BDH1: variants seen among roughly 807,000 people sequenced by gnomAD.
The protein encoded by BDH1 is D-beta-hydroxybutyrate dehydrogenase, mitochondrial.
BDH1 carries 30 observed loss-of-function variants against 33.1 expected under a neutral mutation model. That is an observed-to-expected ratio of 0.91 (90% CI 0.68 to 1.23). The LOEUF (loss-of-function observed/expected upper bound fraction) is 1.23, where lower values mean the gene tolerates loss of function less well. Ranked by LOEUF, BDH1 falls within the 50% of genes most tolerant of loss-of-function variation. BDH1 has a pLI of 0.00. For missense variants in BDH1, 443 were observed against 464.4 expected, an observed-to-expected ratio of 0.95 and a Z score of 0.42; for synonymous variants, 190 against 183.6, an observed-to-expected ratio of 1.03 and a Z score of -0.28.
At chr3:197,542,306 C>T (rs1243506547) in intron 3 of BDH1, among the ~76,000 whole-genome samples, 1 of 152,204 alleles carries the variant, frequency 6.6e-6, no homozygotes, top group Non-Finnish European at 1.5e-5. Context: ...ACACTGGTCT[C>T]CCAGGGCTAA....
intron 3 of BDH1, among the ~76,000 whole-genome samples, chr3:197,539,717 G>A (rs116049906): frequency 0.015 from 2,223 of 152,124 alleles, 38 homozygotes; most frequent in South Asian, 0.054. Flanking sequence ...TTGTGGCCCC[G>A]ACCCAGGAAC....
chr3:197,530,453 A>C (rs1245980153), intron 5 of BDH1: 1 of 152,014 alleles, frequency 6.6e-6, no homozygotes, highest in Admixed American at 6.6e-5. Flanking sequence ...GTAGGCACCT[A>C]TAATCCCGGC....
At position 197,511,911 on chromosome 3, in the gene BDH1, A is replaced by G. The variant is rs1712061427; in HGVS notation, c.1016T>C (p.Met339Thr). ...CGAGACTCTTCAGCGGATGTAGATCATGTCGGAGATGGCTCCAGGCAAGTG... is the reference window on the plus strand; with the variant it reads ...CGAGACTCTTCAGCGGATGTAGATCGTGTCGGAGATGGCTCCAGGCAAGTG... ...MTHLPGAISD[M>T]IYIR Residue 339 changes from methionine to threonine, a missense_variant, in exon 8 of 8, where the codon ATG (methionine) becomes ACG (threonine). Met to Thr is a moderately conservative substitution (Grantham distance 81, BLOSUM62 -1). Transcript: ENST00000392379. 1 of 1,563,006 alleles carries G rather than the reference A, an allele frequency of 6.4e-7. No homozygotes were observed. The highest frequency in any genetic ancestry group is 2.2e-5 in the East Asian group (1 of 44,446).
At chr3:197,538,399 T>C in intron 3 of BDH1, 2 of 454,294 alleles carry the variant, frequency 4.4e-6, no homozygotes, top group Admixed American at 4.7e-5. Flanking sequence ...TTGCCCAGGC[T>C]GGAGTGCAGT....
chr3:197,548,251 C>T (rs1448825596), intron 2 of BDH1, among the ~76,000 whole-genome samples: 1 of 151,788 alleles, frequency 6.6e-6, no homozygotes, highest in Admixed American at 6.6e-5. Context: ...AGGCACAGGC[C>T]CACGTTGGCT....
At position 197,525,326 on chromosome 3, in the gene BDH1, C is replaced by T. The variant is rs1407501877; in HGVS notation, c.268-2545G>A. On this transcript the variant is annotated intron_variant, in intron 5 of 7. Coordinates refer to ENST00000392379, the MANE Select transcript of BDH1 (RefSeq NM_203314.3). The surrounding 1 kb of genome is among the most constrained non-coding windows in gnomAD (Gnocchi z 4.9). ...AAAGGTGGATTCTAGCTGACATGCA[C>T]AAGAGGTATCTAAATGTCCTTCCTC... 6.6e-6 allele frequency among the ~76,000 whole-genome samples: 1 copy of T among 152,194 alleles called. No homozygotes were observed. The highest frequency in any genetic ancestry group is 1.5e-5 in the Non-Finnish European group (1 of 68,026).
rs546388385 is a variant in BDH1 at position 197,546,985 on chromosome 3, G to A, written c.-43-499C>T. 4.6e-5 allele frequency among the ~76,000 whole-genome samples: 7 copies of A among 152,260 alleles called. No homozygotes were observed. The East Asian group carries it at 1.4e-3, about 29-fold the overall frequency. On this transcript the variant is annotated intron_variant, in intron 2 of 7. Coordinates refer to ENST00000392379, the MANE Select transcript of BDH1 (RefSeq NM_203314.3). ...ATGCCACATAGCATCTGACTCAGCC[G>A]TCCACCTCTTTCCCCCATGCGAACA...
intron 1 of BDH1, among the ~76,000 whole-genome samples, chr3:197,562,777 G>A (rs1372626365): frequency 1.3e-5 from 2 of 152,028 alleles, no homozygotes; most frequent in Non-Finnish European, 2.9e-5. Context: ...AAAGAAGCAG[G>A]AAACAATCTG....
intron 1 of BDH1, among the ~76,000 whole-genome samples, chr3:197,567,147 T>C (rs1414592348): frequency 6.6e-6 from 1 of 152,186 alleles, no homozygotes; most frequent in Non-Finnish European, 1.5e-5. Flanking sequence ...GGGACCTACC[T>C]ATCTAGGAAT....
At chr3:197,564,973 G>T (rs1717387158) in intron 1 of BDH1, among the ~76,000 whole-genome samples, 1 of 151,888 alleles carries the variant, frequency 6.6e-6, no homozygotes, top group Non-Finnish European at 1.5e-5. Context: ...CCCAGGCTAG[G>T]GTGCAATGGT....
chr3:197,548,755 G>A (rs924383790), intron 2 of BDH1, among the ~76,000 whole-genome samples: 4 of 152,180 alleles, frequency 2.6e-5, no homozygotes, highest in Admixed American at 6.5e-5. Flanking sequence ...GGAGGCTGGG[G>A]CAGGAGAATC....
chr3:197,535,982 G>A (rs1715119674), intron 3 of BDH1, among the ~76,000 whole-genome samples: 1 of 151,960 alleles, frequency 6.6e-6, no homozygotes, highest in Non-Finnish European at 1.5e-5. Context: ...GGAGGCAGAG[G>A]TTGCAATGAG....
In BDH1 at chr3:197,521,114, C is replaced by A. The variant is rs138450940; in HGVS notation, c.409+1526G>T. On this transcript the variant is annotated intron_variant, in intron 6 of 7. Transcript: ENST00000392379. This position sits in a 1 kb window ranked among gnomAD's most constrained non-coding sequence, Gnocchi z 4.9. Reference sequence around the variant, plus strand: ...CTGCCTTTTCCGCCTCCTTCCCCAGCCACTGAAGTAGCTGCTCCTGAGAGC... The same window carrying A: ...CTGCCTTTTCCGCCTCCTTCCCCAGACACTGAAGTAGCTGCTCCTGAGAGC... Among the ~76,000 whole-genome samples the A allele has an allele frequency of 2.2e-3, 341 of 152,344 alleles. No homozygotes were observed. Among genetic ancestry groups the A allele is most frequent in the African/African-American group, 7.9e-3 (327 of 41,580 alleles).
Position 197,512,086 on chromosome 3 carries a change from T to A in BDH1, c.841A>T (p.Ile281Phe). ...CTGCAGTAGGTCTCCATCTTGGCGA[T>A]CTTTTCATCAAAGTACTTCTTGCCG... Reference protein sequence around the residue: ...DYGKKYFDEKIAKMETYCSSG... With the variant: ...DYGKKYFDEKFAKMETYCSSG... The change falls in exon 8 of 8, where the codon ATC becomes TTC. Residue 281 changes from isoleucine to phenylalanine, a missense_variant. Ile to Phe is a conservative substitution (Grantham distance 21). Coordinates refer to ENST00000392379, the MANE Select transcript of BDH1 (RefSeq NM_203314.3). The A allele has an allele frequency of 6.2e-7, 1 of 1,614,184 alleles. No homozygotes were observed. The highest frequency in any genetic ancestry group is 1.1e-5 in the South Asian group (1 of 91,088).
chr3:197,539,920 C>T (rs1474991461), intron 3 of BDH1, among the ~76,000 whole-genome samples: 1 of 152,228 alleles, frequency 6.6e-6, no homozygotes, highest in African/African-American at 2.4e-5. Context: ...GCGTGAATTA[C>T]TCTTTGTCTA....
chr3:197,530,636 A>G (rs2108739372), intron 5 of BDH1: 1 of 152,740 alleles, frequency 6.5e-6, no homozygotes, highest in Non-Finnish European at 1.5e-5. Context: ...AAAGTTATTC[A>G]TTGTGGCATT....
upstream of BDH1, chr3:197,556,169 C>A (rs901130116): frequency 6.6e-6 from 1 of 152,260 alleles, no homozygotes; most frequent in African/African-American, 2.4e-5. Context: ...GCTCCCCGAC[C>A]GCTGGGCGGG....
intron 4 of BDH1, 39 bp downstream of exon 4, chr3:197,533,450 C>T (rs778038888): frequency 1.2e-6 from 2 of 1,602,826 alleles, no homozygotes; most frequent in Middle Eastern, 1.7e-4. Flanking sequence ...AGGGTTCTGA[C>T]CATCCAACTG....
rs1712148315 is a variant in BDH1 at position 197,512,305 on chromosome 3, A to G, written c.622T>C (p.Tyr208His). ...GRMANPARSPYCITKFGVEAF... is the reference protein window; with the variant it reads ...GRMANPARSPHCITKFGVEAF... Reference sequence around the variant, plus strand: ...TCTACCCCGAACTTGGTGATGCAGTACGGGGAGCGGGCCGGGTTGGCCATG... The same window carrying G: ...TCTACCCCGAACTTGGTGATGCAGTGCGGGGAGCGGGCCGGGTTGGCCATG... The change falls in exon 8 of 8, where the codon TAC becomes CAC. Residue 208 changes from tyrosine (Y) to histidine (H), a missense_variant. By Grantham distance (83) the Tyr-to-His change is moderately conservative. Transcript: ENST00000392379. 1 of 1,611,986 alleles carries G rather than the reference A, an allele frequency of 6.2e-7. No individual in the cohort carries two copies. The highest frequency in any genetic ancestry group is 1.7e-5 in the Admixed American group (1 of 60,002).
Sources: gnomAD v4.1 joint callset for allele counts (sites outside exome capture counted in the v4.1 genomes callset) on GRCh38, gnomAD v4.1.1 for gene constraint, Gnocchi (gnomAD v3.1) non-coding constraint, MANE v1.5 for transcripts, NCBI Gene and HGNC (gene_info 2026-07-23, HGNC 2026-07-21) for gene names.